RASGRF2: variants seen among roughly 807,000 people sequenced by gnomAD.
The protein encoded by RASGRF2 is ras-specific guanine nucleotide-releasing factor 2.
A neutral mutation model predicts 151.0 loss-of-function variants in RASGRF2; 76 were observed. That is an observed-to-expected ratio of 0.50 (90% CI 0.42 to 0.61). The LOEUF is 0.61. RASGRF2 is among the 20% of genes least tolerant of loss of function. The pLI, the probability that RASGRF2 is intolerant of heterozygous loss-of-function variation, is 0.00. For synonymous variants in RASGRF2, 504 were observed against 566.5 expected, an observed-to-expected ratio of 0.89 and a Z score of 1.57; for missense variants, 1,148 against 1,564.6, an observed-to-expected ratio of 0.73 and a Z score of 4.49.
At chr5:81,143,283 G>T (rs1291804102) in intron 17 of RASGRF2, among the ~76,000 whole-genome samples, 1 of 151,894 alleles carries the variant, frequency 6.6e-6, no homozygotes, top group Non-Finnish European at 1.5e-5. Context: ...AAGTAGCTGG[G>T]ATTACAGGCG....
At chr5:81,027,274 C>T (rs1347683061) in intron 1 of RASGRF2, among the ~76,000 whole-genome samples, 1 of 152,058 alleles carries the variant, frequency 6.6e-6, no homozygotes, top group East Asian at 1.9e-4. Context: ...TGTTCATCAA[C>T]TGTAACAAAC....
At position 81,071,866 on chromosome 5, in the gene RASGRF2, G is replaced by A. The variant is rs182574803; in HGVS notation, c.633+1285G>A. Among the ~76,000 whole-genome samples, 182 of 151,880 alleles carry A rather than the reference G, an allele frequency of 1.2e-3. 1 individual carries two copies. The highest frequency in any genetic ancestry group is 4.2e-3 in the African/African-American group (175 of 41,448). On this transcript the variant is annotated intron_variant, in intron 4 of 26. Coordinates refer to ENST00000265080, the MANE Select transcript of RASGRF2 (RefSeq NM_006909.3). The stretch of plus-strand genomic sequence containing the variant: ...TAAATAAGTGAAGCATCTATTGGTC[G>A]GCAAGCACCCCCTGCCCAAGTAAAT...
chr5:81,089,716 C>G (rs899409631), intron 9 of RASGRF2, among the ~76,000 whole-genome samples: 7 of 152,288 alleles, frequency 4.6e-5, no homozygotes, highest in African/African-American at 1.4e-4. Context: ...TACTTCCTTG[C>G]TGTGTGATAT....
intron 17 of RASGRF2, among the ~76,000 whole-genome samples, chr5:81,177,398 T>C (rs1754799796): frequency 6.6e-6 from 1 of 152,050 alleles, no homozygotes; most frequent in Admixed American, 6.6e-5. Flanking sequence ...CTCTGGCCTT[T>C]AGAAACTTAG....
chr5:81,043,018 G>T, intron 2 of RASGRF2, 35 bp downstream of exon 2: 1 of 1,513,476 alleles, frequency 6.6e-7, no homozygotes, highest in Non-Finnish European at 9.1e-7. Flanking sequence ...GTACTTGATT[G>T]TCTGGGTCCT....
chr5:81,067,262 GA>G (rs1751635573), intron 2 of RASGRF2, among the ~76,000 whole-genome samples: 2 of 152,152 alleles, frequency 1.3e-5, no homozygotes, highest in Non-Finnish European at 2.9e-5. Flanking sequence ...GGGGAAAGAT[GA>G]TATGCATGGA....
intron 1 of RASGRF2, among the ~76,000 whole-genome samples, chr5:81,031,126 C>G (rs538312997): frequency 6.6e-6 from 1 of 152,236 alleles, no homozygotes; most frequent in African/African-American, 2.4e-5. Context: ...TGCACCCAAT[C>G]CAGGAGCACC....
At chr5:81,080,969 G>A (rs915739314) in intron 7 of RASGRF2, among the ~76,000 whole-genome samples, 180 bp downstream of exon 7, 6 of 152,160 alleles carry the variant, frequency 3.9e-5, no homozygotes, top group Non-Finnish European at 5.9e-5. Context: ...CACATTCTCT[G>A]TGTCTCATGG....
At chr5:81,188,484 G>A (rs188874068) in intron 18 of RASGRF2, among the ~76,000 whole-genome samples, 104 of 152,282 alleles carry the variant, frequency 6.8e-4, no homozygotes, top group Non-Finnish European at 1.1e-3. Flanking sequence ...CTGAAGTTTG[G>A]TATCGGTTTA....
At chr5:81,196,628 C>T (rs992173405) in intron 18 of RASGRF2, among the ~76,000 whole-genome samples, 1 of 151,244 alleles carries the variant, frequency 6.6e-6, no homozygotes, top group African/African-American at 2.4e-5. Flanking sequence ...CCACTCCCCC[C>T]TCCCCCGTTG....
chr5:81,147,898 G>A (rs1307536061), intron 17 of RASGRF2, among the ~76,000 whole-genome samples: 1 of 152,190 alleles, frequency 6.6e-6, no homozygotes, highest in Non-Finnish European at 1.5e-5. Context: ...CTCTGCCAAA[G>A]TCAGTTCTCT....
At chr5:81,110,819 G>C (rs945143825) in intron 13 of RASGRF2, among the ~76,000 whole-genome samples, 1 of 152,184 alleles carries the variant, frequency 6.6e-6, no homozygotes, top group Admixed American at 6.5e-5. Context: ...GAAAAATAAA[G>C]TTGGTTGAGG....
chr5:81,058,775 C>CAA (rs56875865), intron 2 of RASGRF2, among the ~76,000 whole-genome samples: 188 of 70,038 alleles, frequency 2.7e-3, no homozygotes, highest in African/African-American at 4.3e-3. Flanking sequence ...GGCCCTGTAT[C>CAA]AAAAAAAAAA....
At chr5:81,180,937 G>A (rs1457233618) in intron 18 of RASGRF2, among the ~76,000 whole-genome samples, 1 of 152,062 alleles carries the variant, frequency 6.6e-6, no homozygotes, top group Non-Finnish European at 1.5e-5. Flanking sequence ...TTGCCCCCCT[G>A]ATGTGATGCA....
At chr5:81,004,982 AAAG>A (rs1749217387) in intron 1 of RASGRF2, among the ~76,000 whole-genome samples, 1 of 152,164 alleles carries the variant, frequency 6.6e-6, no homozygotes, top group African/African-American at 2.4e-5. Context: ...TTACCTCAAA[AAAG>A]AAACCCCTCA....
chr5:81,184,401 A>G (rs981968092), intron 18 of RASGRF2, among the ~76,000 whole-genome samples: 2 of 152,150 alleles, frequency 1.3e-5, no homozygotes, highest in Non-Finnish European at 2.9e-5. Flanking sequence ...GACATTTCAG[A>G]TCTGTGCACA....
chr5:80,983,489 G>A (rs892636599), intron 1 of RASGRF2, among the ~76,000 whole-genome samples: 2 of 152,224 alleles, frequency 1.3e-5, no homozygotes, highest in African/African-American at 4.8e-5. Context: ...GGGCATTTGG[G>A]TGCAAAGCCA....
At chr5:81,078,623 A>C (rs1467286274) in intron 5 of RASGRF2, among the ~76,000 whole-genome samples, 1 of 152,242 alleles carries the variant, frequency 6.6e-6, no homozygotes, top group Non-Finnish European at 1.5e-5. Flanking sequence ...CATGCCTTTG[A>C]AATTAAGCCC....
At chr5:81,206,364 C>A (rs1428198338) in intron 19 of RASGRF2, among the ~76,000 whole-genome samples, 1 of 152,174 alleles carries the variant, frequency 6.6e-6, no homozygotes, top group African/African-American at 2.4e-5. Context: ...CACATAGGAA[C>A]CCCCTGTGCT....
Sources: allele counts gnomAD v4.1 joint callset (sites outside exome capture counted in the v4.1 genomes callset), GRCh38; gene constraint gnomAD v4.1.1; transcripts MANE v1.5; gene names NCBI Gene and HGNC (gene_info 2026-07-23, HGNC 2026-07-21).